The following ABCB1 variants were observed in gnomAD, a reference collection of about 807,000 sequenced individuals.
ABCB1 encodes ATP binding cassette subfamily B member 1.
In ABCB1, 69 loss-of-function variants were observed where a neutral mutation model predicts 142.0. The ratio of observed to expected loss-of-function variants is 0.49; its 90% CI spans 0.40 to 0.59. The LOEUF (loss-of-function observed/expected upper bound fraction) is 0.59. Among genes scored for constraint, ABCB1 ranks in the 20% least tolerant of loss-of-function variants. The pLI is 0.00. For missense variants in ABCB1, 1,326 were observed against 1,554.7 expected (o/e 0.85, Z 2.47); for synonymous variants, 532 against 539.2 (o/e 0.99, Z 0.18).
chr7:87,536,027 AT>A (rs1816271895), intron 20 of ABCB1, among the ~76,000 whole-genome samples: 1 of 152,204 alleles, frequency 6.6e-6, no homozygotes, highest in Non-Finnish European at 1.5e-5. Context: ...TCTTGCCTTA[AT>A]TTTTTAATGT....
At chr7:87,520,647 C>A in intron 22 of ABCB1, 129 bp downstream of exon 22, 1 of 796,114 alleles carries the variant, frequency 1.3e-6, no homozygotes, top group Non-Finnish European at 2.2e-6. Context: ...ACAACTGTTT[C>A]TCAATGGTTT....
At chr7:87,609,084 A>G (rs1366727811) in intron 1 of ABCB1, among the ~76,000 whole-genome samples, 1 of 152,192 alleles carries the variant, frequency 6.6e-6, no homozygotes, top group Non-Finnish European at 1.5e-5. Context: ...ATAGATAACA[A>G]CACAGTAAAT....
intron 1 of ABCB1, among the ~76,000 whole-genome samples, chr7:87,635,926 G>A (rs1226982415): frequency 6.6e-6 from 1 of 152,254 alleles, no homozygotes; most frequent in East Asian, 1.9e-4. Context: ...TGTTGCTGTA[G>A]TTTGTTCATT....
chr7:87,689,084 T>C (rs1477687775), intron 1 of ABCB1, among the ~76,000 whole-genome samples: 5 of 152,178 alleles, frequency 3.3e-5, no homozygotes, highest in African/African-American at 9.6e-5. Context: ...ATTCAAAATT[T>C]AGATTTGGCT....
intron 1 of ABCB1, among the ~76,000 whole-genome samples, chr7:87,632,047 G>T (rs1290572704): frequency 1.3e-5 from 2 of 151,388 alleles, no homozygotes; most frequent in Non-Finnish European, 2.9e-5. Flanking sequence ...AAATATTTTG[G>T]ACTGTGCCTT....
chr7:87,685,683 T>C (rs1014862689), intron 1 of ABCB1, among the ~76,000 whole-genome samples: 2 of 152,070 alleles, frequency 1.3e-5, no homozygotes, highest in African/African-American at 4.8e-5. Context: ...GGTTGCAGGG[T>C]GGGGGTTGAC....
At position 87,550,841 on chromosome 7, in the gene ABCB1, G is replaced by A; in HGVS notation, c.1000-3C>T. On this transcript the variant is annotated splice_polypyrimidine_tract_variant and splice_region_variant and intron_variant, in intron 9 of 27. Transcript: ENST00000622132. ...CCAATTAATACAGAAAAGAATACCTGAGGAATGTGAAGAAAAACCATCAGG... is the reference window on the plus strand; with the variant it reads ...CCAATTAATACAGAAAAGAATACCTAAGGAATGTGAAGAAAAACCATCAGG... 1 of 1,582,204 alleles carries A rather than the reference G, an allele frequency of 6.3e-7. No homozygotes were observed. Among genetic ancestry groups the A allele is most frequent in the Non-Finnish European group, 8.7e-7 (1 of 1,151,204 alleles).
At chr7:87,562,669 T>A (rs1817610623) in intron 7 of ABCB1, among the ~76,000 whole-genome samples, 1 of 152,054 alleles carries the variant, frequency 6.6e-6, no homozygotes, top group Non-Finnish European at 1.5e-5. Flanking sequence ...TAGCTCCCTT[T>A]TCCTTCTATG....
At chr7:87,587,310 G>A (rs1818800234) in intron 3 of ABCB1, among the ~76,000 whole-genome samples, 1 of 152,074 alleles carries the variant, frequency 6.6e-6, no homozygotes, top group Non-Finnish European at 1.5e-5. Context: ...CTCCAGAACT[G>A]TCACTGGCCA....
intron 1 of ABCB1, among the ~76,000 whole-genome samples, chr7:87,639,462 T>C (rs1822208711): frequency 6.6e-6 from 1 of 152,204 alleles, no homozygotes; most frequent in Non-Finnish European, 1.5e-5. Context: ...GTTTTTTGTA[T>C]ACTCTTTAGT....
intron 22 of ABCB1, among the ~76,000 whole-genome samples, chr7:87,520,166 A>C (rs1444942496): frequency 1.3e-5 from 2 of 152,164 alleles, no homozygotes; most frequent in Admixed American, 1.3e-4. Context: ...TACCTTCATC[A>C]CATATGAAGA....
intron 1 of ABCB1, among the ~76,000 whole-genome samples, chr7:87,659,942 A>G (rs1824520629): frequency 6.6e-6 from 1 of 152,158 alleles, no homozygotes; most frequent in Non-Finnish European, 1.5e-5. Flanking sequence ...TCACCTAAAT[A>G]TTCTTAGGAT....
chr7:87,687,438 C>T (rs1424142898), intron 1 of ABCB1, among the ~76,000 whole-genome samples: 1 of 152,118 alleles, frequency 6.6e-6, no homozygotes, highest in Non-Finnish European at 1.5e-5. Flanking sequence ...GACCTCTTTC[C>T]CCTGAGTTAC....
At chr7:87,697,716 C>T (rs953484949) in intron 1 of ABCB1, among the ~76,000 whole-genome samples, 1 of 152,182 alleles carries the variant, frequency 6.6e-6, no homozygotes, top group Non-Finnish European at 1.5e-5. Context: ...TTGCTACTTG[C>T]TGCACATACA....
intron 3 of ABCB1, among the ~76,000 whole-genome samples, chr7:87,587,060 A>G (rs1338517918): frequency 5.9e-5 from 9 of 152,206 alleles, no homozygotes; most frequent in African/African-American, 2.2e-4. Flanking sequence ...TAAAACATTA[A>G]TGGGACAACA....
intron 24 of ABCB1, among the ~76,000 whole-genome samples, chr7:87,515,837 T>G (rs1815220006): frequency 6.6e-6 from 1 of 152,056 alleles, no homozygotes; most frequent in African/African-American, 2.4e-5. Context: ...CCTCACGTGA[T>G]CCACCCACCT....
chr7:87,701,415 G>C (rs1671645005), intron 1 of ABCB1, among the ~76,000 whole-genome samples: 1 of 152,144 alleles, frequency 6.6e-6, no homozygotes, highest in East Asian at 1.9e-4. Flanking sequence ...ATATAGAAAA[G>C]CTTTTTTAAA....
At chr7:87,590,552 T>C (rs934868080) in intron 3 of ABCB1, among the ~76,000 whole-genome samples, 3 of 152,172 alleles carry the variant, frequency 2.0e-5, no homozygotes, top group Non-Finnish European at 4.4e-5. Context: ...ACAGGAAGGA[T>C]ACAGTTCATC....
chr7:87,520,904 A>G (rs1815476335), intron 21 of ABCB1, 28 bp from the exon 22 acceptor site: 1 of 1,536,738 alleles, frequency 6.5e-7, no homozygotes, highest in African/African-American at 1.4e-5. Flanking sequence ...GATCACCAAG[A>G]GGCACAAGAG....
Sources: gnomAD v4.1 joint callset for allele counts (sites outside exome capture counted in the v4.1 genomes callset) on GRCh38, gnomAD v4.1.1 for gene constraint, MANE v1.5 for transcripts, NCBI Gene and HGNC (gene_info 2026-07-23, HGNC 2026-07-21) for gene names.